The following LRP4 variants were observed in gnomAD, a reference collection of about 807,000 sequenced individuals.
LRP4 encodes LDL receptor related protein 4.
In LRP4, 95 loss-of-function variants were observed where a neutral mutation model predicts 220.3. The observed-to-expected ratio is 0.43, with a 90% CI of 0.37 to 0.51. The LOEUF (loss-of-function observed/expected upper bound fraction) is 0.51. Among genes scored for constraint, LRP4 ranks in the 20% least tolerant of loss-of-function variants. LRP4 has a pLI of 0.00. For synonymous variants in LRP4, 903 were observed against 954.6 expected (o/e 0.95, Z 1.00); for missense variants, 1,925 against 2,567.0 (o/e 0.75, Z 5.40).
chr11:46,898,722 T>C (rs1280993878), intron 6 of LRP4, 45 bp from the exon 7 acceptor site: 1 of 1,612,826 alleles, frequency 6.2e-7, no homozygotes, highest in African/African-American at 1.3e-5. Context: ...CTGTGCAGTG[T>C]CCCATGGCAG....
chr11:46,878,918 G>A lies in LRP4; in HGVS notation c.3125C>T (p.Thr1042Ile), dbSNP rs759377523. Residue 1042 changes from threonine (T) to isoleucine (I), a missense_variant, in exon 22 of 38, where the codon ACC becomes ATC. Transcript: ENST00000378623. Reference sequence around the variant, plus strand: ...ATGCTTTCACTCACCTGGTGAGCAGGTCTTGCCATCAGACAGCAGGTTGAT... The same window carrying A: ...ATGCTTTCACTCACCTGGTGAGCAGATCTTGCCATCAGACAGCAGGTTGAT... ...TGINLLSDGK[T>I]CSPGMNSFLI... 14 of 1,614,204 alleles carry A rather than the reference G, an allele frequency of 8.7e-6. No individual in the cohort carries two copies. The highest frequency in any genetic ancestry group is 2.2e-5 in the East Asian group (1 of 44,878).
intron 37 of LRP4, among the ~76,000 whole-genome samples, chr11:46,861,523 C>CTTTTTTTTTTTTTTTT (rs576719115): frequency 2.4e-5 from 2 of 83,492 alleles, no homozygotes; most frequent in East Asian, 4.6e-4. Context: ...GGAAATGGGA[C>CTTTTTTTTTTTTTTTT]TTTTTTTTTT....
intron 15 of LRP4, 103 bp from the exon 16 acceptor site, chr11:46,889,636 G>A (rs1941377421): frequency 1.3e-6 from 2 of 1,496,500 alleles, no homozygotes; most frequent in Admixed American, 1.7e-5. Context: ...CCTGAAGGGA[G>A]AAACTATGTC....
At chr11:46,910,680 C>CTTTCTTTTTT (rs1555175585) in intron 1 of LRP4, among the ~76,000 whole-genome samples, 4 of 123,814 alleles carry the variant, frequency 3.2e-5, no homozygotes, top group Non-Finnish European at 6.5e-5. Flanking sequence ...TCCTTGCCCC[C>CTTTCTTTTTT]TTTTTTTTTT....
chr11:46,861,935 G>A (rs1009211789), intron 37 of LRP4, among the ~76,000 whole-genome samples: 3 of 151,936 alleles, frequency 2.0e-5, no homozygotes, highest in Admixed American at 1.3e-4. Context: ...GGGCATGGTG[G>A]CGCATGCCTG....
Position 46,910,680 on chromosome 11 carries a change from C to CCTTTTTTTT in LRP4, c.52+7647_52+7648insAAAAAAAAG, listed in dbSNP as rs537874966. 8.9e-5 allele frequency among the ~76,000 whole-genome samples: 11 copies of CCTTTTTTTT among 123,812 alleles called. 1 individual carries two copies. The highest frequency in any genetic ancestry group is 2.1e-4 in the African/African-American group (7 of 32,746). 81.2% of individuals were successfully genotyped at this position (123,812 alleles called of 152,430 possible). A position where few individuals can be genotyped will look rare whatever the true frequency, so the allele number is the denominator to read the frequency against. On this transcript the variant is annotated intron_variant, in intron 1 of 37. Transcript: ENST00000378623. ...ACATGGTATCCTTTATCCTTGCCCC[C>CCTTTTTTTT]TTTTTTTTTTTGAGGTGGAGTCTTG...
intron 1 of LRP4, among the ~76,000 whole-genome samples, chr11:46,910,198 T>A (rs1311828889): frequency 6.6e-6 from 1 of 152,148 alleles, no homozygotes; most frequent in African/African-American, 2.4e-5. Flanking sequence ...TCCAAAGTTA[T>A]GAGGCAGAAG....
In LRP4 at chr11:46,875,980, AATATTAGCT is replaced by A. The variant is rs1172751010; in HGVS notation, c.3537-23_3537-15del. 6.8e-6 allele frequency: 11 copies of A among 1,613,084 alleles called. No homozygotes were observed. The highest frequency in any genetic ancestry group is 7.6e-6 in the Non-Finnish European group (9 of 1,179,146). ...CAGTACATAAACCTGAGTGAGGAAG[AATATTAGCT>A]ATATTAGCTAGTTATTCCAGCAGCT... On this transcript the variant is annotated splice_polypyrimidine_tract_variant and intron_variant, in intron 25 of 37. Coordinates refer to ENST00000378623, the MANE Select transcript of LRP4 (RefSeq NM_002334.4). The surrounding 1 kb of genome is among the most constrained non-coding windows in gnomAD (Gnocchi z 4.5).
intron 10 of LRP4, 77 bp downstream of exon 10, chr11:46,895,807 C>T: frequency 1.3e-6 from 2 of 1,589,952 alleles, no homozygotes; most frequent in South Asian, 1.1e-5. Flanking sequence ...AAATGCCTGA[C>T]CCATAGGAAA....
At chr11:46,862,454 C>A in intron 37 of LRP4, 152 bp downstream of exon 37, 1 of 849,382 alleles carries the variant, frequency 1.2e-6, no homozygotes, top group East Asian at 2.5e-5. Flanking sequence ...TCCCAGAAAC[C>A]CAAATTACAT....
chr11:46,904,837 A>G (rs1941733185), intron 1 of LRP4, among the ~76,000 whole-genome samples: 1 of 152,026 alleles, frequency 6.6e-6, no homozygotes, highest in East Asian at 1.9e-4. Context: ...TTAGCCAGGC[A>G]TGGTGGTGGA....
chr11:46,903,035 G>T, intron 1 of LRP4, 106 bp from the exon 2 acceptor site: 1 of 1,325,950 alleles, frequency 7.5e-7, no homozygotes, highest in Non-Finnish European at 1.1e-6. Context: ...GTCACCTGGA[G>T]AGTCACAGTG....
chr11:46,916,128 T>C (rs906739410), intron 1 of LRP4, among the ~76,000 whole-genome samples: 8 of 152,116 alleles, frequency 5.3e-5, no homozygotes, highest in Admixed American at 4.6e-4. Context: ...GACGTTTCTA[T>C]TAAACTTTTT....
intron 2 of LRP4, among the ~76,000 whole-genome samples, chr11:46,902,524 C>T (rs537044854): frequency 6.6e-6 from 1 of 152,160 alleles, no homozygotes. Context: ...AAAGAAACTC[C>T]CTGTTGTGTT....
intron 1 of LRP4, among the ~76,000 whole-genome samples, chr11:46,905,510 C>CT (rs1457578394): frequency 1.3e-5 from 2 of 152,168 alleles, no homozygotes; most frequent in Non-Finnish European, 2.9e-5. Context: ...CTTGGCGGTG[C>CT]TTACCGACAT....
intron 1 of LRP4, among the ~76,000 whole-genome samples, chr11:46,914,841 AT>A (rs147118295): frequency 0.06 from 9,085 of 150,216 alleles, 921 homozygotes; most frequent in African/African-American, 0.21. Flanking sequence ...AACCCCCAGT[AT>A]TTTTTTTTTC....
At chr11:46,902,638 A>C (rs1941688448) in intron 2 of LRP4, 145 bp downstream of exon 2, 2 of 923,294 alleles carry the variant, frequency 2.2e-6, no homozygotes, top group Non-Finnish European at 3.4e-6. Flanking sequence ...AAACTACCCA[A>C]ATGTCAATAT....
At position 46,890,282 on chromosome 11, in the gene LRP4, C is replaced by T; in HGVS notation, c.1910G>A (p.Ser637Asn). 6.2e-7 allele frequency: 1 copy of T among 1,614,128 alleles called. No homozygotes were observed. The highest frequency in any genetic ancestry group is 1.1e-5 in the South Asian group (1 of 91,082). ...LDGSHRKAVI[S>N]QGLPHPFAIT... Reference sequence around the variant, plus strand: ...GACTGAAGGAAGGGGCTCACCCTGGCTAATGACAGCCTTACGGTGACTCCC... The same window carrying T: ...GACTGAAGGAAGGGGCTCACCCTGGTTAATGACAGCCTTACGGTGACTCCC... Residue 637 changes from serine (S) to asparagine (N), a missense_variant, in exon 14 of 38, where the codon AGC (serine) becomes AAC (asparagine). Physicochemically the swap from Ser to Asn is conservative, Grantham distance 46 (BLOSUM62 1). Transcript: ENST00000378623. The surrounding 1 kb of genome is among the most constrained non-coding windows in gnomAD (Gnocchi z 5.3).
chr11:46,887,134 G>T (rs888465109), intron 16 of LRP4, among the ~76,000 whole-genome samples: 3 of 152,116 alleles, frequency 2.0e-5, no homozygotes, highest in African/African-American at 7.2e-5. Context: ...CCAGAGCTAG[G>T]ACTCAGATCT....
Sources: gnomAD v4.1 joint callset for allele counts (sites outside exome capture counted in the v4.1 genomes callset) on GRCh38, gnomAD v4.1.1 for gene constraint, Gnocchi (gnomAD v3.1) non-coding constraint, MANE v1.5 for transcripts, NCBI Gene and HGNC (gene_info 2026-07-23, HGNC 2026-07-21) for gene names.